The following COL25A1 variants were observed in gnomAD, a reference collection of about 807,000 sequenced individuals.
COL25A1 encodes the protein collagen alpha-1(XXV) chain.
A neutral mutation model predicts 128.4 loss-of-function variants in COL25A1; 103 were observed. The ratio of observed to expected loss-of-function variants is 0.80; its 90% CI spans 0.68 to 0.94. The LOEUF is 0.94. COL25A1 is among the 40% of genes least tolerant of loss of function. The pLI is 0.00. For missense variants in COL25A1, 745 were observed against 840.0 expected, an observed-to-expected ratio of 0.89 and a Z score of 1.40; for synonymous variants, 279 against 277.2, an observed-to-expected ratio of 1.01 and a Z score of -0.06.
At chr4:108,920,538 G>A (rs781133969) in intron 12 of COL25A1, 40 bp downstream of exon 12, 12 of 1,539,940 alleles carry the variant, frequency 7.8e-6, no homozygotes, top group Non-Finnish European at 1.1e-5. Flanking sequence ...TAGGTCATGA[G>A]AGCATAATTA....
chr4:109,114,965 A>G (rs1297185153), intron 3 of COL25A1, among the ~76,000 whole-genome samples: 1 of 152,082 alleles, frequency 6.6e-6, no homozygotes, highest in African/African-American at 2.4e-5. Flanking sequence ...CAACAGTCAA[A>G]TTAGATGACT....
chr4:108,863,658 T>A (rs1737537101), intron 20 of COL25A1, among the ~76,000 whole-genome samples: 1 of 152,198 alleles, frequency 6.6e-6, no homozygotes, highest in South Asian at 2.1e-4. Flanking sequence ...GTGAAGGTGT[T>A]AATGGAGGAG....
intron 12 of COL25A1, among the ~76,000 whole-genome samples, chr4:108,919,926 C>T (rs1745306469): frequency 6.6e-6 from 1 of 152,020 alleles, no homozygotes; most frequent in Non-Finnish European, 1.5e-5. Flanking sequence ...CCACACCCAG[C>T]TATTTTTGTA....
In COL25A1 at chr4:109,126,952, C is replaced by T. The variant is rs553718641; in HGVS notation, c.368-76773G>A. Among the ~76,000 whole-genome samples the T allele has an allele frequency of 6.6e-4, 101 of 151,996 alleles. 2 individuals are homozygous for T. In the South Asian group the frequency reaches 0.02, roughly 31 times the overall value. ...AGAAACGTCTCTCTTTACTTCTTCA[C>T]TTCCCTTTTACATTCTTATTTTCCT... On this transcript the variant is annotated intron_variant, in intron 3 of 37. Coordinates refer to ENST00000399132, the MANE Select transcript of COL25A1 (RefSeq NM_198721.4).
intron 24 of COL25A1, 23 bp downstream of exon 24, chr4:108,859,627 GTGTGTC>G (rs1736924623): frequency 6.3e-7 from 1 of 1,597,704 alleles, no homozygotes; most frequent in East Asian, 2.2e-5. Context: ...CCTTCTCAGT[GTGTGTC>G]AGGGCAGGGA....
intron 3 of COL25A1, among the ~76,000 whole-genome samples, chr4:109,102,265 A>AT (rs1242198901): frequency 3.3e-5 from 5 of 151,904 alleles, no homozygotes; most frequent in African/African-American, 1.2e-4. Context: ...TACTCTTGTG[A>AT]TTTTTTTCCC....
intron 3 of COL25A1, among the ~76,000 whole-genome samples, chr4:109,272,777 G>C (rs1782281062): frequency 6.6e-6 from 1 of 152,106 alleles, no homozygotes; most frequent in Non-Finnish European, 1.5e-5. Flanking sequence ...TGACATTTGA[G>C]CATGTCATGA....
intron 3 of COL25A1, among the ~76,000 whole-genome samples, chr4:109,278,863 G>A (rs1017471275): frequency 1.3e-5 from 2 of 152,156 alleles, no homozygotes; most frequent in African/African-American, 4.8e-5. Context: ...CACAGTTCTG[G>A]AGGCTGGGAA....
chr4:108,988,285 G>T (rs543293548), intron 6 of COL25A1, among the ~76,000 whole-genome samples: 12 of 152,260 alleles, frequency 7.9e-5, no homozygotes, highest in African/African-American at 2.9e-4. Context: ...AAATACATTA[G>T]CATATTTTCT....
chr4:109,032,050 T>G (rs1455031359), intron 5 of COL25A1, among the ~76,000 whole-genome samples: 1 of 152,180 alleles, frequency 6.6e-6, no homozygotes, highest in Non-Finnish European at 1.5e-5. Context: ...ACTTATGGTG[T>G]TGTTACAATA....
chr4:109,240,809 T>C (rs1420431311), intron 3 of COL25A1, among the ~76,000 whole-genome samples: 1 of 152,080 alleles, frequency 6.6e-6, no homozygotes, highest in African/African-American at 2.4e-5. Context: ...TTGAATGAAA[T>C]AGTACATTTA....
intron 15 of COL25A1, among the ~76,000 whole-genome samples, chr4:108,897,226 T>C (rs1273740765): frequency 6.6e-6 from 1 of 152,212 alleles, no homozygotes; most frequent in African/African-American, 2.4e-5. Context: ...GGACTGAATA[T>C]TGATTTATCT....
chr4:109,256,151 G>C lies in COL25A1; in HGVS notation c.367+44432C>G, dbSNP rs1781074278. Among the ~76,000 whole-genome samples the C allele has an allele frequency of 2.0e-5, 3 of 147,336 alleles. No homozygotes were observed. The South Asian group carries it at 6.3e-4, about 31-fold the overall frequency. ...GTACAAATTTAACCTAGAGAGAAGAGCAAAAGAGTTTACCATATTGTTTTA... is the reference window on the plus strand; with the variant it reads ...GTACAAATTTAACCTAGAGAGAAGACCAAAAGAGTTTACCATATTGTTTTA... On this transcript the variant is annotated intron_variant, in intron 3 of 37. Transcript: ENST00000399132.
intron 11 of COL25A1, chr4:108,920,882 T>A (rs2030844): frequency 0.73 from 206,370 of 282,734 alleles, 77,674 homozygotes; most frequent in East Asian, 1. Flanking sequence ...ATTGTTTTTT[T>A]AAAAAATACC....
At chr4:109,260,127 C>CTTGGTAGT (rs1781340622) in intron 3 of COL25A1, among the ~76,000 whole-genome samples, 1 of 152,160 alleles carries the variant, frequency 6.6e-6, no homozygotes, top group African/African-American at 2.4e-5. Flanking sequence ...TACAAAGCTG[C>CTTGGTAGT]CTCCATTTTC....
chr4:108,931,608 C>T (rs769218081), intron 11 of COL25A1, among the ~76,000 whole-genome samples: 2 of 152,136 alleles, frequency 1.3e-5, no homozygotes, highest in African/African-American at 2.4e-5. Flanking sequence ...ATGTTCCTTC[C>T]TATCACCTCA....
intron 3 of COL25A1, among the ~76,000 whole-genome samples, chr4:109,237,408 T>C (rs1779548014): frequency 6.6e-6 from 1 of 151,952 alleles, no homozygotes; most frequent in African/African-American, 2.4e-5. Context: ...TCAACATATT[T>C]TGGGGGAAAA....
At chr4:109,035,658 G>A (rs879189350) in intron 5 of COL25A1, among the ~76,000 whole-genome samples, 3 of 152,018 alleles carry the variant, frequency 2.0e-5, no homozygotes, top group African/African-American at 4.8e-5. Context: ...AATAGGAAGA[G>A]GTTTCCCAAT....
intron 20 of COL25A1, among the ~76,000 whole-genome samples, chr4:108,865,360 G>T (rs947277034): frequency 6.6e-6 from 1 of 152,158 alleles, no homozygotes; most frequent in Admixed American, 6.5e-5. Context: ...TGGTTTTATA[G>T]GGGAGGTGGG....
Sources: allele counts gnomAD v4.1 joint callset (sites outside exome capture counted in the v4.1 genomes callset), GRCh38; gene constraint gnomAD v4.1.1; transcripts MANE v1.5; gene names NCBI Gene and HGNC (gene_info 2026-07-23, HGNC 2026-07-21).